The following EGFR variants were observed in gnomAD, a reference collection of about 807,000 sequenced individuals.
EGFR encodes epidermal growth factor receptor.
In EGFR, 58 loss-of-function variants were observed where a neutral mutation model predicts 143.0. The ratio of observed to expected loss-of-function variants is 0.41; its 90% CI spans 0.33 to 0.50. EGFR has a LOEUF of 0.50. EGFR is among the 20% of genes least tolerant of loss of function. The probability of loss-of-function intolerance (pLI) is 0.39; values close to 1 mark genes in which losing one functional copy is unlikely to be tolerated. For missense variants in EGFR, 1,307 were observed against 1,579.0 expected (o/e 0.83, Z 2.92); for synonymous variants, 613 against 594.4 (o/e 1.03, Z -0.45).
chr7:55,135,326 C>T (rs896183552), intron 1 of EGFR, among the ~76,000 whole-genome samples: 5 of 151,538 alleles, frequency 3.3e-5, no homozygotes, highest in African/African-American at 4.8e-5. Flanking sequence ...CTGGGCATGC[C>T]GCAGCTTGGC....
At chr7:55,145,387 C>A (rs17289644) in intron 3 of EGFR, among the ~76,000 whole-genome samples, 51 of 152,306 alleles carry the variant, frequency 3.3e-4, no homozygotes, top group African/African-American at 1.1e-3. Flanking sequence ...AACAAAGCAC[C>A]ACGATTCAGC....
intron 1 of EGFR, among the ~76,000 whole-genome samples, chr7:55,096,950 G>A (rs1037704477): frequency 2.0e-5 from 3 of 151,600 alleles, no homozygotes; most frequent in Admixed American, 6.6e-5. Context: ...AGTGCTGTCC[G>A]TTCCTTACCC....
chr7:55,135,807 T>C (rs1794103458), intron 1 of EGFR, among the ~76,000 whole-genome samples: 1 of 152,188 alleles, frequency 6.6e-6, no homozygotes. Flanking sequence ...AGTGTCTTCA[T>C]AGATGTACAT....
intron 23 of EGFR, among the ~76,000 whole-genome samples, chr7:55,199,171 A>G (rs1787744938): frequency 6.6e-6 from 1 of 152,250 alleles, no homozygotes; most frequent in South Asian, 2.1e-4. Context: ...GAGTTGCCCT[A>G]TATTTTGAAG....
chr7:55,038,209 A>C (rs895958653), intron 1 of EGFR, among the ~76,000 whole-genome samples: 4 of 152,220 alleles, frequency 2.6e-5, no homozygotes, highest in Non-Finnish European at 4.4e-5. Context: ...TGTCGTTCAC[A>C]TGCTTCATGC....
At position 55,054,656 on chromosome 7, in the gene EGFR, A is replaced by G. The variant is rs1469530041; in HGVS notation, c.88+35291A>G. On this transcript the variant is annotated intron_variant, in intron 1 of 27. Coordinates refer to ENST00000275493, the MANE Select transcript of EGFR (RefSeq NM_005228.5). Reference sequence around the variant, plus strand: ...TTCAAAAGCAAGACACTCTCTCTGAACCATGGCCCCACAGAGAGTGCAGAA... The same window carrying G: ...TTCAAAAGCAAGACACTCTCTCTGAGCCATGGCCCCACAGAGAGTGCAGAA... Among the ~76,000 whole-genome samples, 3 of 152,174 alleles carry G rather than the reference A, an allele frequency of 2.0e-5. No homozygotes were observed. In the East Asian group the frequency reaches 5.8e-4, roughly 29 times the overall value.
At chr7:55,195,858 C>T (rs529118274) in intron 22 of EGFR, among the ~76,000 whole-genome samples, 48 of 152,268 alleles carry the variant, frequency 3.2e-4, no homozygotes, top group African/African-American at 1.1e-3. Flanking sequence ...ATCTCATTCT[C>T]TTTTGTGGCT....
intron 20 of EGFR, among the ~76,000 whole-genome samples, chr7:55,183,440 T>G (rs758897564): frequency 2.6e-5 from 4 of 152,202 alleles, no homozygotes; most frequent in Non-Finnish European, 5.9e-5. Context: ...ATTTCAAGAC[T>G]TTTAACTAGA....
intron 20 of EGFR, among the ~76,000 whole-genome samples, chr7:55,188,528 G>A (rs1432686027): frequency 6.6e-6 from 1 of 152,088 alleles, no homozygotes; most frequent in Non-Finnish European, 1.5e-5. Flanking sequence ...CAGTTTTCCT[G>A]TAGTAATTAA....
rs144171607 is a variant in EGFR, at chr7:55,114,009, C to T, written c.89-28277C>T. Among the ~76,000 whole-genome samples, 4 of 152,338 alleles carry T rather than the reference C, an allele frequency of 2.6e-5. No individual in the cohort carries two copies. In the East Asian group the frequency reaches 5.8e-4, roughly 22 times the overall value. On this transcript the variant is annotated intron_variant, in intron 1 of 27. Coordinates refer to ENST00000275493, the MANE Select transcript of EGFR (RefSeq NM_005228.5). ...TAACTTGTGGCCAGGGTGGGAAGCA[C>T]TGCTCCACAGAGGTGCCAAAACCAG...
chr7:55,078,906 C>T (rs1375583478), intron 1 of EGFR, among the ~76,000 whole-genome samples: 1 of 152,218 alleles, frequency 6.6e-6, no homozygotes, highest in South Asian at 2.1e-4. Context: ...GCCAGGCACG[C>T]GTCTGGGGTG....
At position 55,206,022 on chromosome 7, in the gene EGFR, G is replaced by T. The variant is rs1261670283; in HGVS notation, c.*405G>T. 1 of 376,828 alleles carries T rather than the reference G, an allele frequency of 2.7e-6. No individual in the cohort carries two copies. The highest frequency in any genetic ancestry group is 2.1e-5 in the African/African-American group (1 of 48,402). The allele number at this position is 376,828 out of a possible 1,614,324, so 23.3% of individuals were successfully genotyped here. On this transcript the variant is annotated 3_prime_UTR_variant, in exon 28 of 28. Transcript: ENST00000275493. The stretch of plus-strand genomic sequence containing the variant: ...AGGAAGAAGCTTGCTGGTAGCACTT[G>T]CTACCCTGAGTTCATCCAGGCCCAA...
chr7:55,149,165 A>G (rs149441300), intron 4 of EGFR, among the ~76,000 whole-genome samples: 1 of 152,334 alleles, frequency 6.6e-6, no homozygotes, highest in East Asian at 1.9e-4. Context: ...TCATAAAAGA[A>G]AACTTTCAAG....
intron 19 of EGFR, chr7:55,180,290 A>T (rs1786801885): frequency 6.6e-6 from 1 of 152,260 alleles, no homozygotes; most frequent in Non-Finnish European, 1.5e-5. Context: ...TTTAAAGAGA[A>T]AGAGAATTTA....
intron 1 of EGFR, among the ~76,000 whole-genome samples, chr7:55,050,442 G>A (rs1358234113): frequency 6.6e-6 from 1 of 152,210 alleles, no homozygotes; most frequent in Non-Finnish European, 1.5e-5. Flanking sequence ...TTTCCAGGCT[G>A]AATGGTACTC....
At chr7:55,021,826 C>T (rs1439640820) in intron 1 of EGFR, among the ~76,000 whole-genome samples, 1 of 152,184 alleles carries the variant, frequency 6.6e-6, no homozygotes. Context: ...ACACTCTCCT[C>T]CTATGGGGGA....
At chr7:55,077,460 T>C (rs1334861901) in intron 1 of EGFR, among the ~76,000 whole-genome samples, 2 of 152,230 alleles carry the variant, frequency 1.3e-5, no homozygotes, top group African/African-American at 4.8e-5. Context: ...CATTTTACAT[T>C]GGAAGTAAAA....
At chr7:55,138,560 A>T (rs184870277) in intron 1 of EGFR, among the ~76,000 whole-genome samples, 33 of 152,336 alleles carry the variant, frequency 2.2e-4, no homozygotes, top group Admixed American at 2.1e-3. Context: ...CCATATGCAG[A>T]TCCAAACATC....
rs2128964655 is a variant in EGFR at position 55,191,835 on chromosome 7, G to A, written c.2586G>A (p.Leu862=). The change falls in exon 21 of 28, where the codon CTG becomes CTA. Residue 862 remains leucine (L), a synonymous_variant. Transcript: ENST00000275493. ...KITDFGLAKL[L]GAEEKEYHAE... is the part of the protein sequence containing the mutation. The stretch of plus-strand genomic sequence containing the variant: ...CAGATTTTGGGCTGGCCAAACTGCT[G>A]GGTGCGGAAGAGAAAGAATACCATG... The A allele has an allele frequency of 6.2e-7, 1 of 1,614,074 alleles. No individual in the cohort carries two copies. Among genetic ancestry groups the A allele is most frequent in the South Asian group, 1.1e-5 (1 of 91,086 alleles).
Sources: allele counts gnomAD v4.1 joint callset (sites outside exome capture counted in the v4.1 genomes callset), GRCh38; gene constraint gnomAD v4.1.1; transcripts MANE v1.5; gene names NCBI Gene and HGNC (gene_info 2026-07-23, HGNC 2026-07-21).